PLCXD2: variants seen among roughly 807,000 people sequenced by gnomAD.
PLCXD2 encodes phosphatidylinositol specific phospholipase C X domain containing 2.
Under a neutral mutation model 28.6 loss-of-function variants are expected in PLCXD2, and 21 were observed. The observed-to-expected ratio is 0.73, with a 90% CI of 0.52 to 1.06. PLCXD2 has a LOEUF of 1.06. Among genes scored for constraint, PLCXD2 ranks in the 50% least tolerant of loss-of-function variants. The pLI, the probability that PLCXD2 is intolerant of heterozygous loss-of-function variation, is 0.00. For synonymous variants in PLCXD2, 140 were observed against 150.1 expected (o/e 0.93, Z 0.49); for missense variants, 369 against 376.7 (o/e 0.98, Z 0.17).
chr3:111,685,070 CCT>C (rs1559791579), intron 1 of PLCXD2, among the ~76,000 whole-genome samples: 1 of 152,032 alleles, frequency 6.6e-6, no homozygotes, highest in African/African-American at 2.4e-5. Context: ...ATTTGAGGCA[CCT>C]GTGGGACATT....
chr3:111,710,641 GTT>G (rs1257972186), intron 2 of PLCXD2, among the ~76,000 whole-genome samples: 1 of 152,154 alleles, frequency 6.6e-6, no homozygotes, highest in African/African-American at 2.4e-5. Context: ...GCACATTGGT[GTT>G]TTTCACAACT....
chr3:111,685,081 T>C (rs1325779234), intron 1 of PLCXD2, among the ~76,000 whole-genome samples: 1 of 152,050 alleles, frequency 6.6e-6, no homozygotes, highest in East Asian at 1.9e-4. Flanking sequence ...CTGTGGGACA[T>C]TTCAGAATTG....
At chr3:111,709,636 T>C (rs1353589185) in intron 2 of PLCXD2, among the ~76,000 whole-genome samples, 2 of 151,984 alleles carry the variant, frequency 1.3e-5, no homozygotes, top group Non-Finnish European at 2.9e-5. Context: ...AAGATGACAT[T>C]TGAAGGGGTT....
At chr3:111,682,295 C>G (rs1940728728) in intron 1 of PLCXD2, among the ~76,000 whole-genome samples, 1 of 152,176 alleles carries the variant, frequency 6.6e-6, no homozygotes, top group Admixed American at 6.5e-5. Context: ...CTACAGAGGT[C>G]TGCATTGCTC....
At chr3:111,721,908 A>G (rs1020617622) in intron 3 of PLCXD2, 1 of 152,274 alleles carries the variant, frequency 6.6e-6, no homozygotes, top group Non-Finnish European at 1.5e-5. Context: ...GGAAACTGCA[A>G]TGGCATTAAA....
At chr3:111,675,758 A>G (rs2107834523) in intron 1 of PLCXD2, among the ~76,000 whole-genome samples, 1 of 152,228 alleles carries the variant, frequency 6.6e-6, no homozygotes, top group Admixed American at 6.5e-5. Context: ...AATCAAAGGC[A>G]ATGAATTAAA....
At chr3:111,692,124 C>T (rs1357310077) in intron 1 of PLCXD2, among the ~76,000 whole-genome samples, 1 of 152,226 alleles carries the variant, frequency 6.6e-6, no homozygotes, top group African/African-American at 2.4e-5. Context: ...TCACTGCAAG[C>T]TCCGCCTCCC....
At chr3:111,693,088 G>A (rs1940910732) in intron 1 of PLCXD2, among the ~76,000 whole-genome samples, 1 of 152,106 alleles carries the variant, frequency 6.6e-6, no homozygotes, top group Non-Finnish European at 1.5e-5. Context: ...AAAAGCAAAG[G>A]GAGAATTGGG....
chr3:111,715,857 A>C (rs1043120653), intron 3 of PLCXD2, among the ~76,000 whole-genome samples: 4 of 152,222 alleles, frequency 2.6e-5, no homozygotes, highest in African/African-American at 7.2e-5. Flanking sequence ...ACAGGCCTGC[A>C]GTTGTCTTAT....
chr3:111,694,572 C>T (rs1417891695), intron 1 of PLCXD2, among the ~76,000 whole-genome samples: 1 of 151,948 alleles, frequency 6.6e-6, no homozygotes, highest in African/African-American at 2.4e-5. Flanking sequence ...AATATCTTAA[C>T]ATCCTTTGTA....
chr3:111,724,345 G>A (rs1226564601), intron 3 of PLCXD2: 2 of 151,906 alleles, frequency 1.3e-5, no homozygotes, highest in Non-Finnish European at 2.9e-5. Context: ...ACAGTCCCAG[G>A]ATTTTATTAT....
At chr3:111,725,990 G>C (rs1941410030) in intron 3 of PLCXD2, 1 of 397,380 alleles carries the variant, frequency 2.5e-6, no homozygotes, top group African/African-American at 2.1e-5. Context: ...TATCACAGTG[G>C]TTATTGCTTC....
chr3:111,695,159 C>A (rs1042595696), intron 1 of PLCXD2, among the ~76,000 whole-genome samples: 21 of 37,002 alleles, frequency 5.7e-4, no homozygotes, highest in Admixed American at 2.9e-3. Context: ...TACCCATTTT[C>A]TAAAAAAAAA....
At chr3:111,718,986 C>T (rs1256793508) in intron 3 of PLCXD2, among the ~76,000 whole-genome samples, 1 of 152,276 alleles carries the variant, frequency 6.6e-6, no homozygotes, top group Non-Finnish European at 1.5e-5. Context: ...GTTAGTGAGA[C>T]AACTGATTAA....
chr3:111,710,184 C>A (rs1380382627), intron 2 of PLCXD2, among the ~76,000 whole-genome samples: 1 of 152,140 alleles, frequency 6.6e-6, no homozygotes, highest in Non-Finnish European at 1.5e-5. Context: ...TGAGTTAACT[C>A]TTAGTATCTG....
At chr3:111,722,062 A>T (rs138153367) in intron 3 of PLCXD2, 1 of 151,958 alleles carries the variant, frequency 6.6e-6, no homozygotes, top group African/African-American at 2.4e-5. Context: ...TGATGGTTCT[A>T]CTTTCTGCAG....
At chr3:111,692,070 C>T (rs1478165334) in intron 1 of PLCXD2, among the ~76,000 whole-genome samples, 1 of 152,222 alleles carries the variant, frequency 6.6e-6, no homozygotes. Context: ...GAGACGGAGT[C>T]TGGCTCTGTC....
intron 2 of PLCXD2, among the ~76,000 whole-genome samples, chr3:111,712,961 C>T (rs888090083): frequency 6.6e-6 from 1 of 152,234 alleles, no homozygotes; most frequent in African/African-American, 2.4e-5. Context: ...ACATCACCAC[C>T]ATCCTGAGCG....
intron 1 of PLCXD2, among the ~76,000 whole-genome samples, chr3:111,706,507 GAAGA>G (rs1435047322): frequency 6.6e-6 from 1 of 152,034 alleles, no homozygotes; most frequent in East Asian, 1.9e-4. Flanking sequence ...AATAAAAGAA[GAAGA>G]AAGGTACAAA....
Sources: allele counts gnomAD v4.1 joint callset (sites outside exome capture counted in the v4.1 genomes callset), GRCh38; gene constraint gnomAD v4.1.1; transcripts MANE v1.5; gene names NCBI Gene and HGNC (gene_info 2026-07-23, HGNC 2026-07-21).